CASZ1: variants seen among roughly 807,000 people sequenced by gnomAD.
CASZ1 encodes the protein zinc finger protein castor homolog 1.
A neutral mutation model predicts 135.2 loss-of-function variants in CASZ1; 28 were observed. The ratio of observed to expected loss-of-function variants is 0.21; its 90% CI spans 0.15 to 0.28. The LOEUF is 0.28. Ranked by LOEUF, CASZ1 falls within the 10% of genes least tolerant of loss-of-function variation. CASZ1 has a pLI of 1.00. For missense variants in CASZ1, 2,161 were observed against 2,453.3 expected (o/e 0.88, Z 2.52); for synonymous variants, 1,068 against 1,073.4 (o/e 0.99, Z 0.10).
At chr1:10,753,512 TC>T (rs1640186965) in intron 2 of CASZ1, among the ~76,000 whole-genome samples, 1 of 152,138 alleles carries the variant, frequency 6.6e-6, no homozygotes, top group South Asian at 2.1e-4. Context: ...CAACGGCTAA[TC>T]CCCTGGGTGG....
At chr1:10,689,271 G>T (rs373346494) in intron 4 of CASZ1, among the ~76,000 whole-genome samples, 1 of 152,242 alleles carries the variant, frequency 6.6e-6, no homozygotes, top group Non-Finnish European at 1.5e-5. Context: ...CTCAGGCAGC[G>T]GGCACGGCCT....
intron 1 of CASZ1, among the ~76,000 whole-genome samples, chr1:10,778,288 C>T (rs111161953): frequency 0.038 from 5,761 of 151,228 alleles, 133 homozygotes; most frequent in Middle Eastern, 0.061. Context: ...TCACACAATT[C>T]CACACAAAAT....
In CASZ1 at chr1:10,671,000, G is replaced by T. The variant is rs141262417; in HGVS notation, c.17-5429C>A. 1.8e-4 allele frequency among the ~76,000 whole-genome samples: 28 copies of T among 152,354 alleles called. No homozygotes were observed. In the East Asian group the frequency reaches 5.4e-3, roughly 29 times the overall value. ...AGCCAGGGCCCGAGGGGTTCAGCCG[G>T]GTCCCCTGGCCCTCAACAGCTCCAA... is the stretch of plus-strand genomic sequence containing the variant. On this transcript the variant is annotated intron_variant, in intron 4 of 20. Coordinates refer to ENST00000377022, the MANE Select transcript of CASZ1 (RefSeq NM_001079843.3).
At chr1:10,649,933 A>C (rs1570409757) in intron 13 of CASZ1, 1 of 90,014 alleles carries the variant, frequency 1.1e-5, no homozygotes, top group Non-Finnish European at 2.2e-5. Flanking sequence ...AGCGGCCGGG[A>C]GGGGGTCATT....
rs559860907 is a variant in CASZ1 at position 10,697,590 on chromosome 1, AC to A, written c.-23-3679del. Among the ~76,000 whole-genome samples, 31 of 143,282 alleles carry A rather than the reference AC, an allele frequency of 2.2e-4. No homozygotes were observed. The highest frequency in any genetic ancestry group is 6.3e-4 in the African/African-American group (24 of 38,142). 94.0% of individuals were successfully genotyped at this position (143,282 alleles called of 152,430 possible). A position where few individuals can be genotyped will look rare whatever the true frequency, so the allele number is the denominator to read the frequency against. On this transcript the variant is annotated intron_variant, in intron 3 of 20. Coordinates refer to ENST00000377022, the MANE Select transcript of CASZ1 (RefSeq NM_001079843.3). This position sits in a 1 kb window ranked among gnomAD's most constrained non-coding sequence, Gnocchi z 4.7. Reference sequence around the variant, plus strand: ...CACACTGCTATCGCTGGTTCCTGTTACCCCCCCCGCACCCCCAAGTTGCCCA... The same window carrying A: ...CACACTGCTATCGCTGGTTCCTGTTACCCCCCCGCACCCCCAAGTTGCCCA...
intron 17 of CASZ1, 100 bp from the exon 18 acceptor site, chr1:10,645,188 C>T: frequency 2.0e-6 from 2 of 991,152 alleles, no homozygotes; most frequent in South Asian, 1.5e-5. Flanking sequence ...CACATGTGTT[C>T]TTCTCTGCTC....
rs1570565032 is a variant in CASZ1 at position 10,756,308 on chromosome 1, A to C, written c.-77+4393T>G. ...TTGGGACATCCCCGATGCACCCCCCACCCTCGCCCCCGCAAGACATCACCG... is the reference window on the plus strand; with the variant it reads ...TTGGGACATCCCCGATGCACCCCCCCCCCTCGCCCCCGCAAGACATCACCG... On this transcript the variant is annotated intron_variant, in intron 2 of 20. Coordinates refer to ENST00000377022, the MANE Select transcript of CASZ1 (RefSeq NM_001079843.3). This position sits in a 1 kb window ranked among gnomAD's most constrained non-coding sequence, Gnocchi z 5.9. Among the ~76,000 whole-genome samples, 6 of 145,718 alleles carry C rather than the reference A, an allele frequency of 4.1e-5. No individual in the cohort carries two copies. The highest frequency in any genetic ancestry group is 7.6e-5 in the Non-Finnish European group (5 of 66,144).
At position 10,676,357 on chromosome 1, in the gene CASZ1, C is replaced by T. The variant is rs1205454322; in HGVS notation, c.17-10786G>A. Among the ~76,000 whole-genome samples the T allele has an allele frequency of 2.6e-5, 4 of 152,194 alleles. No individual in the cohort carries two copies. The highest frequency in any genetic ancestry group is 5.9e-5 in the Non-Finnish European group (4 of 68,016). ...CTGTCCCATGCTCACCCCTGTCCTT[C>T]CTCTCCAAGGAGAGCCACCACAGAA... On this transcript the variant is annotated intron_variant, in intron 4 of 20. Transcript: ENST00000377022. The surrounding 1 kb of genome is among the most constrained non-coding windows in gnomAD (Gnocchi z 4.5).
intron 6 of CASZ1, among the ~76,000 whole-genome samples, chr1:10,658,801 C>A (rs938270185): frequency 3.3e-5 from 5 of 152,236 alleles, no homozygotes; most frequent in African/African-American, 1.2e-4. Flanking sequence ...GGTGGGGCTG[C>A]AGCCCCCTTG....
rs184937302 is a variant in CASZ1 at position 10,770,667 on chromosome 1, G to A, written c.-233-9810C>T. 9.2e-5 allele frequency among the ~76,000 whole-genome samples: 14 copies of A among 152,214 alleles called. 1 individual carries two copies. In the East Asian group the frequency reaches 2.7e-3, roughly 29 times the overall value. ...AGCCCCGAGCCCACAGAAGATGCTG[G>A]GCCTGCAATTTTCCAGCAGCTAGGC... On this transcript the variant is annotated intron_variant, in intron 1 of 20. Transcript: ENST00000377022.
intron 2 of CASZ1, among the ~76,000 whole-genome samples, chr1:10,737,925 G>T (rs1479625679): frequency 1.3e-5 from 2 of 152,248 alleles, no homozygotes; most frequent in Non-Finnish European, 2.9e-5. Flanking sequence ...TGATGCTGGG[G>T]ACACAAGCTC....
At position 10,747,794 on chromosome 1, in the gene CASZ1, G is replaced by C. The variant is rs1243073510; in HGVS notation, c.-77+12907C>G. Among the ~76,000 whole-genome samples, 1 of 150,924 alleles carries C rather than the reference G, an allele frequency of 6.6e-6. No homozygotes were observed. Among genetic ancestry groups the C allele is most frequent in the African/African-American group, 2.4e-5 (1 of 40,908 alleles). The stretch of plus-strand genomic sequence containing the variant: ...AGCAATCACTGGGAGAGGGTACACA[G>C]TACACTGTGCTCACCTGCCTGACTT... On this transcript the variant is annotated intron_variant, in intron 2 of 20. Coordinates refer to ENST00000377022, the MANE Select transcript of CASZ1 (RefSeq NM_001079843.3). The surrounding 1 kb of genome is among the most constrained non-coding windows in gnomAD (Gnocchi z 4.3).
chr1:10,673,375 A>G (rs1309473017), intron 4 of CASZ1, among the ~76,000 whole-genome samples: 1 of 152,052 alleles, frequency 6.6e-6, no homozygotes, highest in Non-Finnish European at 1.5e-5. Flanking sequence ...CAAATATGGA[A>G]ATTTTTTTTC....
At chr1:10,682,508 A>G (rs1222046812) in intron 4 of CASZ1, among the ~76,000 whole-genome samples, 1 of 152,100 alleles carries the variant, frequency 6.6e-6, no homozygotes, top group Non-Finnish European at 1.5e-5. Context: ...TGAGTGGGGA[A>G]GAGGGAGCGA....
At position 10,647,242 on chromosome 1, in the gene CASZ1, G is replaced by A; in HGVS notation, c.3497+559C>T. ...TAATCCAATTTATTACTTTTATTGAGAACAGGAAGCCGCACACATGACAAT... is the reference window on the plus strand; with the variant it reads ...TAATCCAATTTATTACTTTTATTGAAAACAGGAAGCCGCACACATGACAAT... On this transcript the variant is annotated intron_variant, in intron 16 of 20. Coordinates refer to ENST00000377022, the MANE Select transcript of CASZ1 (RefSeq NM_001079843.3). This position sits in a 1 kb window ranked among gnomAD's most constrained non-coding sequence, Gnocchi z 4.9. The A allele has an allele frequency of 1.0e-6, 1 of 991,982 alleles. No individual in the cohort carries two copies. Among genetic ancestry groups the A allele is most frequent in the Non-Finnish European group, 1.2e-6 (1 of 833,338 alleles). 61.4% of individuals were successfully genotyped at this position (991,982 alleles called of 1,614,324 possible).
chr1:10,736,883 G>A (rs1639808525), intron 2 of CASZ1, among the ~76,000 whole-genome samples: 1 of 152,236 alleles, frequency 6.6e-6, no homozygotes, highest in Non-Finnish European at 1.5e-5. Context: ...CGCCTGGGTG[G>A]GAGGTGCCCG....
At chr1:10,659,514 C>T (rs148171236) in intron 6 of CASZ1, among the ~76,000 whole-genome samples, 188 bp downstream of exon 6, 6 of 152,282 alleles carry the variant, frequency 3.9e-5, no homozygotes, top group Non-Finnish European at 7.4e-5. Flanking sequence ...GTGAGTGCGG[C>T]GCGCACCTGT....
At chr1:10,677,386 C>T (rs892918629) in intron 4 of CASZ1, among the ~76,000 whole-genome samples, 1 of 152,160 alleles carries the variant, frequency 6.6e-6, no homozygotes, top group African/African-American at 2.4e-5. Context: ...GGACAGGGGC[C>T]TTCTCATGGG....
chr1:10,642,521 G>A (rs779653180), intron 20 of CASZ1, among the ~76,000 whole-genome samples: 6 of 152,124 alleles, frequency 3.9e-5, no homozygotes, highest in South Asian at 4.1e-4. Flanking sequence ...CAGGGGTCAC[G>A]TGGGCAGGTG....
Sources: gnomAD v4.1 joint callset for allele counts (sites outside exome capture counted in the v4.1 genomes callset) on GRCh38, gnomAD v4.1.1 for gene constraint, Gnocchi (gnomAD v3.1) non-coding constraint, MANE v1.5 for transcripts, NCBI Gene and HGNC (gene_info 2026-07-23, HGNC 2026-07-21) for gene names.